Variants in SETBP1 observed in about 807,000 individuals in gnomAD.
SETBP1 encodes the protein SET-binding protein.
A neutral mutation model predicts 101.0 loss-of-function variants in SETBP1; 9 were observed. The observed-to-expected ratio is 0.09, with a 90% confidence interval of 0.05 to 0.16. The LOEUF (loss-of-function observed/expected upper bound fraction) is 0.16. Ranked by LOEUF, SETBP1 falls within the 10% of genes least tolerant of loss-of-function variation. The pLI is 1.00. For missense variants in SETBP1, 1,858 were observed against 2,033.8 expected, an observed-to-expected ratio of 0.91 and a Z score of 1.66; for synonymous variants, 818 against 788.5, an observed-to-expected ratio of 1.04 and a Z score of -0.63.
At chr18:44,975,743 T>C (rs999964971) in intron 4 of SETBP1, among the ~76,000 whole-genome samples, 2 of 152,216 alleles carry the variant, frequency 1.3e-5, no homozygotes, top group African/African-American at 4.8e-5. Context: ...CTTTTCCCAA[T>C]TTATCTGACT....
At chr18:44,948,916 C>T (rs943870641) in intron 3 of SETBP1, among the ~76,000 whole-genome samples, 6 of 152,190 alleles carry the variant, frequency 3.9e-5, no homozygotes, top group Admixed American at 3.9e-4. Context: ...ATTCTGGAGA[C>T]ATTCCTTTAG....
intron 3 of SETBP1, among the ~76,000 whole-genome samples, chr18:44,902,400 C>A (rs1052058327): frequency 6.7e-6 from 1 of 150,152 alleles, no homozygotes; most frequent in Non-Finnish European, 1.5e-5. Context: ...AAGAGTAAAA[C>A]TTCCCAGCTA....
intron 2 of SETBP1, among the ~76,000 whole-genome samples, chr18:44,856,850 G>T (rs1427414681): frequency 6.6e-6 from 1 of 152,216 alleles, no homozygotes; most frequent in East Asian, 1.9e-4. Flanking sequence ...AGAGGGGAAA[G>T]AAGTTGGTAT....
chr18:44,815,427 G>C (rs910590486), intron 2 of SETBP1, among the ~76,000 whole-genome samples: 1 of 152,210 alleles, frequency 6.6e-6, no homozygotes, highest in Admixed American at 6.5e-5. Context: ...AAAGAAGGGA[G>C]AAATGGGCAA....
At chr18:44,881,346 G>C (rs2069526042) in intron 3 of SETBP1, among the ~76,000 whole-genome samples, 1 of 152,164 alleles carries the variant, frequency 6.6e-6, no homozygotes, top group African/African-American at 2.4e-5. Context: ...GGCAGGGGTG[G>C]GTAAGAGGAG....
chr18:44,821,312 G>A (rs1029140837), intron 2 of SETBP1, among the ~76,000 whole-genome samples: 1 of 152,214 alleles, frequency 6.6e-6, no homozygotes, highest in African/African-American at 2.4e-5. Context: ...TGAGGCTCTT[G>A]CTGGTGCGTC....
chr18:44,938,758 A>G (rs528389627), intron 3 of SETBP1, among the ~76,000 whole-genome samples: 5 of 152,332 alleles, frequency 3.3e-5, no homozygotes, highest in South Asian at 4.1e-4. Flanking sequence ...GGAGAGAACA[A>G]TGGTGTTTAC....
At chr18:44,800,108 G>A (rs2071573413) in intron 2 of SETBP1, among the ~76,000 whole-genome samples, 1 of 152,130 alleles carries the variant, frequency 6.6e-6, no homozygotes. Context: ...TGATGGGCAG[G>A]GAAATTGTCA....
intron 1 of SETBP1, among the ~76,000 whole-genome samples, chr18:44,700,143 T>A (rs1459193208): frequency 6.6e-6 from 1 of 152,152 alleles, no homozygotes; most frequent in Non-Finnish European, 1.5e-5. Context: ...GGCTTCCTTT[T>A]GGGCTTTGAA....
intron 3 of SETBP1, among the ~76,000 whole-genome samples, chr18:44,892,238 A>G (rs993721313): frequency 1.3e-5 from 2 of 152,174 alleles, no homozygotes; most frequent in African/African-American, 4.8e-5. Flanking sequence ...GCTCTCCACT[A>G]TGGATGAGAA....
At chr18:44,839,458 C>T (rs1166332782) in intron 2 of SETBP1, among the ~76,000 whole-genome samples, 2 of 128,022 alleles carry the variant, frequency 1.6e-5, no homozygotes, top group Non-Finnish European at 3.3e-5. Flanking sequence ...CCCGCACTGG[C>T]TCTTTGAGCA....
At chr18:44,905,140 C>T (rs1184385758) in intron 3 of SETBP1, among the ~76,000 whole-genome samples, 1 of 152,020 alleles carries the variant, frequency 6.6e-6, no homozygotes, top group Admixed American at 6.6e-5. Flanking sequence ...CTGGTACAAC[C>T]CAGCTGGAGC....
chr18:44,827,509 A>G (rs566855263), intron 2 of SETBP1, among the ~76,000 whole-genome samples: 3 of 152,310 alleles, frequency 2.0e-5, no homozygotes, highest in Admixed American at 2.0e-4. Flanking sequence ...TCATTTCTTC[A>G]TTGCAACATA....
intron 1 of SETBP1, among the ~76,000 whole-genome samples, chr18:44,696,977 GC>G (rs2069028504): frequency 3.3e-5 from 5 of 152,288 alleles, no homozygotes; most frequent in Admixed American, 3.3e-4. Flanking sequence ...TCCACTCCCA[GC>G]CCCCACTGCC....
chr18:44,700,729 C>G (rs1241627915), intron 1 of SETBP1, among the ~76,000 whole-genome samples: 2 of 152,164 alleles, frequency 1.3e-5, no homozygotes, highest in Non-Finnish European at 1.5e-5. Context: ...GGGTTGTGCT[C>G]AGCTTTGCAA....
At chr18:44,805,448 G>T (rs62090595) in intron 2 of SETBP1, among the ~76,000 whole-genome samples, 1 of 151,600 alleles carries the variant, frequency 6.6e-6, no homozygotes, top group South Asian at 2.1e-4. Flanking sequence ...GTGTTTGTAC[G>T]TGTACTTCTC....
chr18:44,779,253 A>T (rs1056189196), intron 2 of SETBP1, among the ~76,000 whole-genome samples: 4 of 152,100 alleles, frequency 2.6e-5, no homozygotes, highest in Non-Finnish European at 5.9e-5. Context: ...CTTCTCATAT[A>T]CACTGCATCA....
At chr18:45,053,248 A>G (rs2073752650) in intron 5 of SETBP1, among the ~76,000 whole-genome samples, 2 of 152,210 alleles carry the variant, frequency 1.3e-5, no homozygotes, top group African/African-American at 4.8e-5. Context: ...CTAGAAAATC[A>G]GTTCAATTCT....
intron 3 of SETBP1, among the ~76,000 whole-genome samples, chr18:44,878,059 G>A (rs892486462): frequency 2.0e-5 from 3 of 152,160 alleles, no homozygotes; most frequent in Non-Finnish European, 2.9e-5. Context: ...TTATTCTTAT[G>A]CAGAAAATTT....
Sources: gnomAD v4.1 joint callset for allele counts (sites outside exome capture counted in the v4.1 genomes callset) on GRCh38, gnomAD v4.1.1 for gene constraint, MANE v1.5 for transcripts, NCBI Gene and HGNC (gene_info 2026-07-23, HGNC 2026-07-21) for gene names.